The following SIPA1L3 variants were observed in gnomAD, a reference collection of about 807,000 sequenced individuals.
SIPA1L3 encodes signal-induced proliferation-associated 1-like protein 3.
A neutral mutation model predicts 150.1 loss-of-function variants in SIPA1L3; 59 were observed. That is an observed-to-expected ratio of 0.39 (90% CI 0.32 to 0.49). The LOEUF is 0.49. SIPA1L3 is among the 20% of genes least tolerant of loss of function. The probability of loss-of-function intolerance (pLI) is 0.86; values close to 1 mark genes in which losing one functional copy is unlikely to be tolerated. For missense variants in SIPA1L3, 2,211 were observed against 2,489.5 expected (o/e 0.89, Z 2.38); for synonymous variants, 1,070 against 1,077.6 (o/e 0.99, Z 0.14).
intron 15 of SIPA1L3, among the ~76,000 whole-genome samples, chr19:38,178,841 G>A (rs1433609894): frequency 6.6e-6 from 1 of 152,070 alleles, no homozygotes; most frequent in Non-Finnish European, 1.5e-5. Flanking sequence ...TGTCTCCTGG[G>A]GAAAGCATTC....
chr19:38,193,178 A>T (rs1271259654), intron 17 of SIPA1L3, among the ~76,000 whole-genome samples: 2 of 151,736 alleles, frequency 1.3e-5, no homozygotes, highest in Admixed American at 1.3e-4. Context: ...CCTCATCTCT[A>T]TAAAAAAAAT....
Position 37,946,912 on chromosome 19 carries a change from G to A in SIPA1L3, c.-379+39554G>A, listed in dbSNP as rs552728541. ...TAAAGATCTAGCTCCTGGGCCAGGC[G>A]CAGTGGCTCACGCCTATAATCCCAG... On this transcript the variant is annotated intron_variant, in intron 1 of 21. Transcript: ENST00000222345. Among the ~76,000 whole-genome samples the A allele has an allele frequency of 3.9e-5, 6 of 152,324 alleles. No homozygotes were observed. In the East Asian group the frequency reaches 9.6e-4, roughly 24 times the overall value.
chr19:38,019,089 T>C (rs1383468592), intron 1 of SIPA1L3, among the ~76,000 whole-genome samples: 2 of 152,190 alleles, frequency 1.3e-5, no homozygotes, highest in African/African-American at 2.4e-5. Context: ...TGGTGTAAAA[T>C]ACTGTCCCAT....
intron 3 of SIPA1L3, among the ~76,000 whole-genome samples, chr19:38,084,348 G>A (rs1191804533): frequency 6.6e-6 from 1 of 152,044 alleles, no homozygotes; most frequent in Non-Finnish European, 1.5e-5. Context: ...ACTGCTCAAG[G>A]ACATTGCCAG....
chr19:37,992,206 C>CTGAGTGAG (rs1457013728), intron 1 of SIPA1L3, among the ~76,000 whole-genome samples: 5 of 152,226 alleles, frequency 3.3e-5, no homozygotes, highest in African/African-American at 1.2e-4. Flanking sequence ...GCGGGGTTCA[C>CTGAGTGAG]TGAGTGAGTA....
At chr19:38,200,154 C>T (rs1340053550) in intron 19 of SIPA1L3, 1 of 152,152 alleles carries the variant, frequency 6.6e-6, no homozygotes, top group Non-Finnish European at 1.5e-5. Flanking sequence ...CTCACTGCAG[C>T]CTCCACCTCT....
intron 15 of SIPA1L3, among the ~76,000 whole-genome samples, chr19:38,175,715 G>T (rs960604738): frequency 2.0e-5 from 3 of 152,174 alleles, no homozygotes; most frequent in Non-Finnish European, 4.4e-5. Context: ...GGCAGGTGCT[G>T]TCATTGCCTC....
At chr19:38,092,618 G>T (rs761167877) in intron 4 of SIPA1L3, among the ~76,000 whole-genome samples, 1 of 152,150 alleles carries the variant, frequency 6.6e-6, no homozygotes, top group Non-Finnish European at 1.5e-5. Context: ...ACAGCCACAG[G>T]CCTGGGATCC....
intron 8 of SIPA1L3, among the ~76,000 whole-genome samples, chr19:38,111,738 C>G (rs570649284): frequency 6.6e-6 from 1 of 152,340 alleles, no homozygotes; most frequent in East Asian, 1.9e-4. Flanking sequence ...CAGGCATGTC[C>G]CTGGACCTGA....
chr19:38,192,021 T>C (rs978257093), intron 16 of SIPA1L3, 124 bp from the exon 17 acceptor site: 4 of 846,234 alleles, frequency 4.7e-6, no homozygotes, highest in Admixed American at 5.8e-5. Flanking sequence ...ACGCGTTTGC[T>C]GGGTGAAGGA....
intron 16 of SIPA1L3, among the ~76,000 whole-genome samples, chr19:38,191,934 G>A: frequency 6.6e-6 from 1 of 152,164 alleles, no homozygotes; most frequent in Non-Finnish European, 1.5e-5. Flanking sequence ...ACCTGGGACA[G>A]GACAGCACAG....
chr19:38,077,661 CTTTTTTTT>C (rs58788182), intron 2 of SIPA1L3, among the ~76,000 whole-genome samples: 23 of 64,346 alleles, frequency 3.6e-4, no homozygotes, highest in South Asian at 6.7e-4. Context: ...TTTTCTTTTT[CTTTTTTTT>C]TTTTTTTTTT....
In SIPA1L3 at chr19:38,110,392, C is replaced by T. The variant is rs1218815197; in HGVS notation, c.2291+8C>T. ...TGATAACGTCTGTTACAGGTATGCC[C>T]CCCACACCCGGCCCCCAGCAGCGTA... is the stretch of plus-strand genomic sequence containing the variant. On this transcript the variant is annotated splice_region_variant and intron_variant, in intron 8 of 21. Coordinates refer to ENST00000222345, the MANE Select transcript of SIPA1L3 (RefSeq NM_015073.3). 3 of 1,608,756 alleles carry T rather than the reference C, an allele frequency of 1.9e-6. No individual in the cohort carries two copies. Among genetic ancestry groups the T allele is most frequent in the Non-Finnish European group, 2.6e-6 (3 of 1,176,140 alleles).
intron 4 of SIPA1L3, among the ~76,000 whole-genome samples, chr19:38,090,819 C>A (rs953384378): frequency 1.3e-5 from 2 of 152,214 alleles, no homozygotes; most frequent in Admixed American, 6.5e-5. Context: ...GGAGTGCCCT[C>A]GCCCCATCCC....
chr19:37,923,080 TGAGCC>T (rs2046470723), intron 1 of SIPA1L3, among the ~76,000 whole-genome samples: 1 of 147,904 alleles, frequency 6.8e-6, no homozygotes, highest in Non-Finnish European at 1.5e-5. Context: ...GAGCTTACAG[TGAGCC>T]GAGATCGCGC....
At chr19:38,204,533 G>A (rs997111899) in intron 21 of SIPA1L3, among the ~76,000 whole-genome samples, 2 of 152,234 alleles carry the variant, frequency 1.3e-5, no homozygotes, top group Non-Finnish European at 2.9e-5. Context: ...GGGAGGCCAA[G>A]GTGGTGGGTC....
At chr19:38,141,554 T>G (rs1356148853) in intron 11 of SIPA1L3, 119 bp downstream of exon 11, 2 of 1,056,086 alleles carry the variant, frequency 1.9e-6, no homozygotes, top group Non-Finnish European at 1.4e-6. Flanking sequence ...CTTTCGACCT[T>G]CCTTCTTATC....
chr19:37,965,652 G>C (rs1344562207), intron 1 of SIPA1L3, among the ~76,000 whole-genome samples: 1 of 151,910 alleles, frequency 6.6e-6, no homozygotes, highest in African/African-American at 2.4e-5. Context: ...CATTTTCTTT[G>C]TAACTTTTTG....
chr19:38,092,519 C>T (rs542459328), intron 4 of SIPA1L3, among the ~76,000 whole-genome samples: 2 of 152,356 alleles, frequency 1.3e-5, no homozygotes, highest in Admixed American at 1.3e-4. Flanking sequence ...TACCTGCTCC[C>T]GTCCACTTCC....
Sources: gnomAD v4.1 joint callset for allele counts (sites outside exome capture counted in the v4.1 genomes callset) on GRCh38, gnomAD v4.1.1 for gene constraint, MANE v1.5 for transcripts, NCBI Gene and HGNC (gene_info 2026-07-23, HGNC 2026-07-21) for gene names.